The following CDH18 variants were observed in gnomAD, a reference collection of about 807,000 sequenced individuals.
The protein encoded by CDH18 is cadherin-18.
A neutral mutation model predicts 67.9 loss-of-function variants in CDH18; 31 were observed. The observed-to-expected ratio is 0.46, with a 90% CI of 0.34 to 0.62. The LOEUF (loss-of-function observed/expected upper bound fraction) is 0.62, where lower values mean the gene tolerates loss of function less well. Ranked by LOEUF, CDH18 falls within the 20% of genes least tolerant of loss-of-function variation. CDH18 has a pLI of 0.01. For missense variants in CDH18, 890 were observed against 975.5 expected (o/e 0.91, Z 1.17); for synonymous variants, 362 against 347.2 (o/e 1.04, Z -0.48).
intron 2 of CDH18, among the ~76,000 whole-genome samples, chr5:19,915,084 T>G (rs2150148845): frequency 6.6e-6 from 1 of 152,288 alleles, no homozygotes; most frequent in South Asian, 2.1e-4. Flanking sequence ...AGTTTTGATG[T>G]TCCACTAAAA....
In CDH18 at chr5:19,541,616, C is replaced by T. The variant is rs555757446; in HGVS notation, c.1390+2253G>A. 4.1e-4 allele frequency among the ~76,000 whole-genome samples: 63 copies of T among 152,282 alleles called. 1 individual carries two copies. In the Middle Eastern group the frequency reaches 0.01, roughly 25 times the overall value. On this transcript the variant is annotated intron_variant, in intron 9 of 12. Transcript: ENST00000382275. ...AAAGAAGGCAAAGGAAAAGCAAAGT[C>T]ACATATTACATGGCGGCAGGCAAGA...
chr5:20,501,458 CATATT>C (rs1561068558), intron 1 of CDH18, among the ~76,000 whole-genome samples: 1 of 98,854 alleles, frequency 1.0e-5, no homozygotes, highest in African/African-American at 3.8e-5. Context: ...ATTTTATATA[CATATT>C]ATATATATTA....
At chr5:19,929,176 C>G (rs907911522) in intron 2 of CDH18, among the ~76,000 whole-genome samples, 10 of 152,024 alleles carry the variant, frequency 6.6e-5, no homozygotes, top group African/African-American at 2.2e-4. Context: ...CCTGACTCAT[C>G]TTCGTGACTA....
chr5:19,477,063 T>C (rs1738584987), intron 12 of CDH18, among the ~76,000 whole-genome samples: 3 of 150,818 alleles, frequency 2.0e-5, no homozygotes, highest in Admixed American at 1.3e-4. Flanking sequence ...TTTGCTACCT[T>C]TCTGGATATT....
chr5:20,184,521 T>C (rs1737942878), intron 2 of CDH18, among the ~76,000 whole-genome samples: 1 of 152,110 alleles, frequency 6.6e-6, no homozygotes, highest in Non-Finnish European at 1.5e-5. Context: ...TATCACTGTT[T>C]CTGTGATAAG....
At chr5:19,735,822 T>C (rs1768242337) in intron 4 of CDH18, among the ~76,000 whole-genome samples, 1 of 152,212 alleles carries the variant, frequency 6.6e-6, no homozygotes, top group Non-Finnish European at 1.5e-5. Flanking sequence ...TATAACTCTA[T>C]CTCTGTTCAT....
At position 20,119,411 on chromosome 5, in the gene CDH18, A is replaced by T. The variant is rs540896087; in HGVS notation, c.-517-127397T>A. The stretch of plus-strand genomic sequence containing the variant: ...TAAACAACTGAATTTATGCCCCACC[A>T]TCCATGCACTCAAATTATTTTTAAG... On this transcript the variant is annotated intron_variant, in intron 2 of 14. Coordinates refer to the CDH18 transcript ENST00000507958. Among the ~76,000 whole-genome samples, 34 of 152,212 alleles carry T rather than the reference A, an allele frequency of 2.2e-4. No homozygotes were observed. The South Asian group carries it at 6.8e-3, about 31-fold the overall frequency.
intron 5 of CDH18, among the ~76,000 whole-genome samples, chr5:19,666,642 C>T (rs986686141): frequency 1.3e-5 from 2 of 152,040 alleles, no homozygotes; most frequent in Admixed American, 6.6e-5. Flanking sequence ...AGAAACAGCA[C>T]TATGTCTATC....
chr5:20,103,166 C>T (rs1746621100), intron 2 of CDH18, among the ~76,000 whole-genome samples: 1 of 152,126 alleles, frequency 6.6e-6, no homozygotes, highest in Non-Finnish European at 1.5e-5. Context: ...TTGAAACATC[C>T]CTTGTCAAAT....
chr5:19,604,207 C>T (rs1747646845), intron 6 of CDH18, among the ~76,000 whole-genome samples: 1 of 151,962 alleles, frequency 6.6e-6, no homozygotes, highest in Admixed American at 6.6e-5. Flanking sequence ...TTTAAAAGAC[C>T]TTGTGTCTTT....
At chr5:19,921,667 A>T (rs1280500943) in intron 2 of CDH18, among the ~76,000 whole-genome samples, 1 of 152,210 alleles carries the variant, frequency 6.6e-6, no homozygotes, top group Non-Finnish European at 1.5e-5. Context: ...TATAAAAATG[A>T]GACAAGTATA....
At chr5:20,337,484 C>G (rs1365430405) in intron 1 of CDH18, among the ~76,000 whole-genome samples, 1 of 152,076 alleles carries the variant, frequency 6.6e-6, no homozygotes, top group Non-Finnish European at 1.5e-5. Context: ...TTCAAAGTTC[C>G]ACAAATCTCT....
At chr5:19,639,943 A>C (rs1393644185) in intron 5 of CDH18, among the ~76,000 whole-genome samples, 1 of 152,204 alleles carries the variant, frequency 6.6e-6, no homozygotes, top group Non-Finnish European at 1.5e-5. Context: ...GAAATCTTGC[A>C]AGCCAGGAGA....
chr5:19,710,945 C>A (rs1764628079), intron 5 of CDH18, among the ~76,000 whole-genome samples: 1 of 151,884 alleles, frequency 6.6e-6, no homozygotes, highest in Admixed American at 6.6e-5. Context: ...AGAAATGAAG[C>A]CACATACCTA....
At chr5:20,146,617 TAA>T (rs11327817) in intron 2 of CDH18, among the ~76,000 whole-genome samples, 248 of 145,598 alleles carry the variant, frequency 1.7e-3, no homozygotes, top group Middle Eastern at 7.7e-3. Flanking sequence ...ACTAATTTTG[TAA>T]AAAAAAAAAA....
At chr5:20,207,916 T>C (rs552721097) in intron 2 of CDH18, among the ~76,000 whole-genome samples, 253 of 152,148 alleles carry the variant, frequency 1.7e-3, no homozygotes, top group Non-Finnish European at 2.8e-3. Flanking sequence ...CTTCAAAATA[T>C]ATTGAAAACC....
chr5:20,114,486 A>G (rs1439782071), intron 2 of CDH18, among the ~76,000 whole-genome samples: 1 of 152,190 alleles, frequency 6.6e-6, no homozygotes, highest in African/African-American at 2.4e-5. Flanking sequence ...TGTGATCTGG[A>G]AGCAGGGAGA....
At chr5:19,762,179 T>A (rs369828183) in intron 3 of CDH18, among the ~76,000 whole-genome samples, 26 of 152,140 alleles carry the variant, frequency 1.7e-4, no homozygotes, top group African/African-American at 6.0e-4. Flanking sequence ...GACATAGGGA[T>A]GAGCAGGGAC....
At chr5:19,760,360 G>C (rs1474679037) in intron 3 of CDH18, among the ~76,000 whole-genome samples, 1 of 152,028 alleles carries the variant, frequency 6.6e-6, no homozygotes, top group African/African-American at 2.4e-5. Flanking sequence ...TAGGTCTAAA[G>C]TGACTAATCC....
Sources: gnomAD v4.1 joint callset for allele counts (sites outside exome capture counted in the v4.1 genomes callset) on GRCh38, gnomAD v4.1.1 for gene constraint, MANE v1.5 for transcripts, NCBI Gene and HGNC (gene_info 2026-07-23, HGNC 2026-07-21) for gene names.